Variants in RAD51B observed in about 807,000 individuals in gnomAD.
The protein encoded by RAD51B is DNA repair protein RAD51 homolog 2.
A neutral mutation model predicts 42.2 loss-of-function variants in RAD51B; 38 were observed. That is an observed-to-expected ratio of 0.90 (90% CI 0.70 to 1.18). The LOEUF is 1.18. Ranked by LOEUF, RAD51B falls within the 50% of genes most tolerant of loss-of-function variation. The pLI is 0.00. For synonymous variants in RAD51B, 154 were observed against 145.2 expected (o/e 1.06, Z -0.43); for missense variants, 373 against 400.7 (o/e 0.93, Z 0.59).
chr14:68,140,297 C>T (rs1289050704), intron 7 of RAD51B, among the ~76,000 whole-genome samples: 2 of 152,170 alleles, frequency 1.3e-5, no homozygotes, highest in Non-Finnish European at 2.9e-5. Context: ...TCTTGCTTTT[C>T]CTTTTCCTGC....
At chr14:68,645,116 A>G (rs1892538858) in intron 10 of RAD51B, among the ~76,000 whole-genome samples, 1 of 152,092 alleles carries the variant, frequency 6.6e-6, no homozygotes, top group Admixed American at 6.5e-5. Context: ...GATCTTTCCA[A>G]CCTGAAATTC....
chr14:67,864,942 G>A (rs959851580), intron 4 of RAD51B, 61 bp from the exon 5 acceptor site: 1 of 1,263,220 alleles, frequency 7.9e-7, no homozygotes, highest in Non-Finnish European at 9.9e-7. Context: ...TGACTGGCTT[G>A]TGATGTTTAT....
At chr14:68,447,850 AATATT>A (rs2085458605) in intron 9 of RAD51B, among the ~76,000 whole-genome samples, 1 of 152,182 alleles carries the variant, frequency 6.6e-6, no homozygotes, top group South Asian at 2.1e-4. Flanking sequence ...TGAGCTGTAA[AATATT>A]CTTTCCAGTT....
intron 10 of RAD51B, among the ~76,000 whole-genome samples, chr14:68,622,060 T>C (rs1465873347): frequency 6.6e-6 from 1 of 152,216 alleles, no homozygotes; most frequent in Non-Finnish European, 1.5e-5. Context: ...CTGGAATGAC[T>C]GGGCAAGCAT....
rs567034703 is a variant in RAD51B, at chr14:68,619,139, T to A, written c.1037-31642T>A. Among the ~76,000 whole-genome samples, 3 of 152,350 alleles carry A rather than the reference T, an allele frequency of 2.0e-5. No homozygotes were observed. The South Asian group carries it at 6.2e-4, about 32-fold the overall frequency. The stretch of plus-strand genomic sequence containing the variant: ...GCTCCCTGGAGAAGATTTATTTTTT[T>A]ATTTTTTAACTAGAAAGACAAATCA... On this transcript the variant is annotated intron_variant, in intron 10 of 11. Transcript: ENST00000488612.
At chr14:67,873,873 G>T (rs2140018460) in intron 5 of RAD51B, among the ~76,000 whole-genome samples, 1 of 145,154 alleles carries the variant, frequency 6.9e-6, no homozygotes, top group Non-Finnish European at 1.5e-5. Context: ...TCACTCATAG[G>T]TGGGAATTGA....
chr14:68,606,829 A>G (rs549049714), intron 10 of RAD51B, among the ~76,000 whole-genome samples: 1 of 152,172 alleles, frequency 6.6e-6, no homozygotes, highest in Non-Finnish European at 1.5e-5. Flanking sequence ...GGCAACTGCT[A>G]ATTTGCTGTG....
chr14:68,251,936 T>G (rs968777915), intron 7 of RAD51B, among the ~76,000 whole-genome samples: 2 of 152,256 alleles, frequency 1.3e-5, no homozygotes, highest in African/African-American at 4.8e-5. Context: ...ACATCAAGAT[T>G]GACCTGTCTG....
chr14:68,275,840 A>ACACACACACC (rs780326389), intron 7 of RAD51B, among the ~76,000 whole-genome samples: 97 of 134,946 alleles, frequency 7.2e-4, no homozygotes, highest in African/African-American at 2.6e-3. Flanking sequence ...ACACACACAC[A>ACACACACACC]CCCTTGAATT....
intron 7 of RAD51B, among the ~76,000 whole-genome samples, chr14:68,014,903 A>T (rs1412925993): frequency 6.7e-6 from 1 of 150,070 alleles, no homozygotes; most frequent in Non-Finnish European, 1.5e-5. Context: ...TTTACTGCTC[A>T]GTCACTTATT....
At chr14:68,439,660 A>G (rs2085238688) in intron 9 of RAD51B, among the ~76,000 whole-genome samples, 1 of 152,178 alleles carries the variant, frequency 6.6e-6, no homozygotes, top group Non-Finnish European at 1.5e-5. Flanking sequence ...TTGAAGGGCA[A>G]ACATTTGTGC....
At chr14:68,265,474 G>A (rs983672006) in intron 7 of RAD51B, among the ~76,000 whole-genome samples, 4 of 152,168 alleles carry the variant, frequency 2.6e-5, no homozygotes, top group African/African-American at 9.7e-5. Context: ...TGTCGGCCAG[G>A]CGCGGTGGCT....
chr14:68,283,359 C>T (rs2081355830), intron 7 of RAD51B, among the ~76,000 whole-genome samples: 1 of 152,198 alleles, frequency 6.6e-6, no homozygotes, highest in Admixed American at 6.5e-5. Context: ...CCACAGGACA[C>T]GTACAGTGCA....
intron 7 of RAD51B, among the ~76,000 whole-genome samples, chr14:67,949,279 A>AG (rs970926526): frequency 4.6e-5 from 7 of 152,342 alleles, no homozygotes; most frequent in African/African-American, 1.7e-4. Flanking sequence ...AGTCCTCTGA[A>AG]ACCCTGCCAC....
At chr14:68,235,465 G>A (rs1243502505) in intron 7 of RAD51B, among the ~76,000 whole-genome samples, 1 of 151,758 alleles carries the variant, frequency 6.6e-6, no homozygotes, top group African/African-American at 2.4e-5. Flanking sequence ...AGCACTTTGG[G>A]AGGCCGAGGC....
At chr14:67,877,101 T>G (rs977709041) in intron 5 of RAD51B, among the ~76,000 whole-genome samples, 19 of 152,098 alleles carry the variant, frequency 1.2e-4, no homozygotes, top group African/African-American at 4.6e-4. Flanking sequence ...GAAGAAATTT[T>G]TTTTTTACAG....
intron 7 of RAD51B, among the ~76,000 whole-genome samples, chr14:68,138,145 T>C (rs938789103): frequency 1.1e-4 from 2 of 18,956 alleles, no homozygotes; most frequent in African/African-American, 3.1e-4. Flanking sequence ...CCATTTAGTA[T>C]TTTTTTTTTC....
chr14:68,155,269 G>T (rs1055637444), intron 7 of RAD51B, among the ~76,000 whole-genome samples: 1 of 151,004 alleles, frequency 6.6e-6, no homozygotes, highest in African/African-American at 2.4e-5. Flanking sequence ...TCAGCTCACT[G>T]CAAGCTCCGC....
downstream of RAD51B, among the ~76,000 whole-genome samples, chr14:68,597,182 A>T (rs986859695): frequency 6.6e-6 from 1 of 152,164 alleles, no homozygotes; most frequent in Non-Finnish European, 1.5e-5. Context: ...CAATCTGAGA[A>T]TGGGGCCCGT....
Sources: gnomAD v4.1 joint callset for allele counts (sites outside exome capture counted in the v4.1 genomes callset) on GRCh38, gnomAD v4.1.1 for gene constraint, MANE v1.5 for transcripts, NCBI Gene and HGNC (gene_info 2026-07-23, HGNC 2026-07-21) for gene names.